The following TRIOBP variants were observed in gnomAD, a reference collection of about 807,000 sequenced individuals.
The protein encoded by TRIOBP is TRIO and F-actin binding protein, also known as TRIO and F-actin-binding protein.
TRIOBP carries 169 observed loss-of-function variants against 238.8 expected under a neutral mutation model. That is an observed-to-expected ratio of 0.71 (90% CI 0.62 to 0.80). The LOEUF (loss-of-function observed/expected upper bound fraction) is 0.80. Ranked by LOEUF, TRIOBP falls within the 30% of genes least tolerant of loss-of-function variation. The pLI, the probability that TRIOBP is intolerant of heterozygous loss-of-function variation, is 0.00. For synonymous variants in TRIOBP, 1,150 were observed against 1,274.4 expected, an observed-to-expected ratio of 0.90 and a Z score of 2.08; for missense variants, 2,838 against 3,122.6, an observed-to-expected ratio of 0.91 and a Z score of 2.17.
At chr22:37,748,693 G>A (rs1318517249) in intron 11 of TRIOBP, among the ~76,000 whole-genome samples, 1 of 152,162 alleles carries the variant, frequency 6.6e-6, no homozygotes, top group Non-Finnish European at 1.5e-5. Flanking sequence ...AGCCTGTGAA[G>A]GATAAGTAAA....
intron 7 of TRIOBP, among the ~76,000 whole-genome samples, chr22:37,728,440 A>G (rs567944884): frequency 3.7e-4 from 57 of 152,186 alleles, no homozygotes; most frequent in Non-Finnish European, 3.2e-4. Context: ...ATCTCAAAAA[A>G]AGAAAAAAAA....
At chr22:37,722,692 A>G (rs1222850769) in intron 6 of TRIOBP, among the ~76,000 whole-genome samples, 1 of 152,200 alleles carries the variant, frequency 6.6e-6, no homozygotes, top group Non-Finnish European at 1.5e-5. Context: ...ACGCCACTGC[A>G]CTCCAGCCTG....
At chr22:37,759,441 GT>G in intron 17 of TRIOBP, 177 bp downstream of exon 17, 2 of 1,434,938 alleles carry the variant, frequency 1.4e-6, no homozygotes, top group South Asian at 2.3e-5. Flanking sequence ...CACTGTGCCC[GT>G]TTTACAGACA....
Position 37,710,353 on chromosome 22 carries a change from G to A in TRIOBP, c.115-74G>A, listed in dbSNP as rs115587759. 1.6e-3 allele frequency: 2,617 copies of A among 1,599,626 alleles called. 43 individuals carry two copies. In the African/African-American group the frequency reaches 0.028, roughly 17 times the overall value. ...GATGCCTGGAGACTCCCACGCCACCGGGAGGGGCTGTGCAGGGGGAGGGGA... is the reference window on the plus strand; with the variant it reads ...GATGCCTGGAGACTCCCACGCCACCAGGAGGGGCTGTGCAGGGGGAGGGGA... On this transcript the variant is annotated intron_variant, in intron 3 of 23. Coordinates refer to ENST00000644935, the MANE Select transcript of TRIOBP (RefSeq NM_001039141.3).
intron 3 of TRIOBP, among the ~76,000 whole-genome samples, chr22:37,707,657 A>C (rs1923012628): frequency 6.6e-6 from 1 of 151,750 alleles, no homozygotes; most frequent in Non-Finnish European, 1.5e-5. Flanking sequence ...AAAAAAAAAA[A>C]TTGGCTGGGA....
At chr22:37,756,214 G>A (rs191210163) in intron 15 of TRIOBP, among the ~76,000 whole-genome samples, 3 of 152,140 alleles carry the variant, frequency 2.0e-5, no homozygotes, top group East Asian at 1.9e-4. Flanking sequence ...TAATCCCAGC[G>A]ATTTGGGAGG....
rs2145832212 is a variant in TRIOBP at position 37,723,468 on chromosome 22, C to T, written c.912C>T (p.Ser304=). 1.2e-6 allele frequency: 2 copies of T among 1,612,882 alleles called. No homozygotes were observed. The highest frequency in any genetic ancestry group is 8.5e-7 in the Non-Finnish European group (1 of 1,179,636). ...STQQEISRAS[S]TQQETSRASS... is the part of the protein sequence containing the mutation. Reference sequence around the variant, plus strand: ...AACAGGAAATCTCCAGGGCCTCATCCACCCAACAGGAAACCTCCAGGGCCT... The same window carrying T: ...AACAGGAAATCTCCAGGGCCTCATCTACCCAACAGGAAACCTCCAGGGCCT... Residue 304 remains serine, a synonymous_variant, in exon 7 of 24, where the codon TCC becomes TCT. Coordinates refer to ENST00000644935, the MANE Select transcript of TRIOBP (RefSeq NM_001039141.3).
chr22:37,741,192 C>G (rs545984943), intron 11 of TRIOBP, among the ~76,000 whole-genome samples, 160 bp downstream of exon 11: 1 of 152,186 alleles, frequency 6.6e-6, no homozygotes, highest in Non-Finnish European at 1.5e-5. Context: ...CTCTTAAGCT[C>G]ATCCTGGTCT....
chr22:37,753,788 C>T (rs1230133960), intron 12 of TRIOBP, among the ~76,000 whole-genome samples: 1 of 152,220 alleles, frequency 6.6e-6, no homozygotes, highest in Non-Finnish European at 1.5e-5. Flanking sequence ...AAACTAAGTA[C>T]TTGAAACAAC....
intron 10 of TRIOBP, 73 bp from the exon 11 acceptor site, chr22:37,740,822 G>A (rs1056926119): frequency 6.5e-7 from 1 of 1,548,052 alleles, no homozygotes; most frequent in Non-Finnish European, 8.7e-7. Context: ...AGAATGGGCA[G>A]GGGAGGCTGT....
chr22:37,773,937 CAGACACACAG>C lies in TRIOBP; in HGVS notation c.*159_*168del, dbSNP rs1182969703. 2 of 108,184 alleles carry C rather than the reference CAGACACACAG, an allele frequency of 1.8e-5. No individual in the cohort carries two copies. Among genetic ancestry groups the C allele is most frequent in the African/African-American group, 1.3e-4 (2 of 15,226 alleles). The allele number at this position is 108,184 out of a possible 1,614,324, so 6.7% of individuals were successfully genotyped here. On this transcript the variant is annotated 3_prime_UTR_variant, in exon 24 of 24. Coordinates refer to ENST00000644935, the MANE Select transcript of TRIOBP (RefSeq NM_001039141.3). Reference sequence around the variant, plus strand: ...ACACACACACACACACACACACACACAGACACACAGACACATACGCACACACGTGCACACA... The same window carrying C: ...ACACACACACACACACACACACACACACACATACGCACACACGTGCACACA...
At position 37,775,003 on chromosome 22, in the gene TRIOBP, A is replaced by G. The variant is rs1335585034; in HGVS notation, c.*1223A>G. On this transcript the variant is annotated 3_prime_UTR_variant, in exon 24 of 24. Coordinates refer to ENST00000644935, the MANE Select transcript of TRIOBP (RefSeq NM_001039141.3). ...CCAGAGGTCATGCCCAGCCCTGGGC[A>G]GGGGTGAGGGCAGGGTTGTGGCTGC... is the stretch of plus-strand genomic sequence containing the variant. 2.6e-5 allele frequency: 4 copies of G among 152,332 alleles called. No individual in the cohort carries two copies. The East Asian group carries it at 7.7e-4, about 29-fold the overall frequency. The allele number at this position is 152,332 out of a possible 1,614,324, so 9.4% of individuals were successfully genotyped here. A position where few individuals can be genotyped will look rare whatever the true frequency, so the allele number is the denominator to read the frequency against.
At position 37,724,732 on chromosome 22, in the gene TRIOBP, C is replaced by T. The variant is rs375857763; in HGVS notation, c.2176C>T (p.Arg726Ter). Residue 726 changes from arginine to a stop codon, truncating the protein, a stop_gained, in exon 7 of 24, where the codon CGA becomes TGA. Coordinates refer to ENST00000644935, the MANE Select transcript of TRIOBP (RefSeq NM_001039141.3). LOFTEE classifies it high-confidence loss of function. Reference sequence around the variant, plus strand: ...AGAGAACCCCAGAACATCCTGTGCCCGACGGGACAATCCCAGAGCCTCCTC... The same window carrying T: ...AGAGAACCCCAGAACATCCTGTGCCTGACGGGACAATCCCAGAGCCTCCTC... ...QQENPRTSCA[R>*]RDNPRASSRN... 1.1e-5 allele frequency: 18 copies of T among 1,611,462 alleles called. No individual in the cohort carries two copies. Among genetic ancestry groups the T allele is most frequent in the Middle Eastern group, 1.6e-4 (1 of 6,064 alleles).
intron 21 of TRIOBP, among the ~76,000 whole-genome samples, chr22:37,770,422 C>A (rs1926715778): frequency 7.0e-6 from 1 of 142,244 alleles, no homozygotes; most frequent in Non-Finnish European, 1.5e-5. Flanking sequence ...TGCACTCCAG[C>A]CTGGGTGACA....
At chr22:37,757,589 G>C in intron 15 of TRIOBP, 24 bp from the exon 16 acceptor site, 1 of 1,562,436 alleles carries the variant, frequency 6.4e-7, no homozygotes, top group Non-Finnish European at 8.6e-7. Flanking sequence ...GGACCCACCT[G>C]ACGTGGCTCT....
At chr22:37,719,973 T>G (rs1555895411) in intron 6 of TRIOBP, among the ~76,000 whole-genome samples, 1 of 130,242 alleles carries the variant, frequency 7.7e-6, no homozygotes, top group Non-Finnish European at 1.6e-5. Context: ...CACACTGCAC[T>G]CACTGTTTCA....
At chr22:37,744,189 T>C (rs1218738706) in intron 11 of TRIOBP, among the ~76,000 whole-genome samples, 2 of 151,902 alleles carry the variant, frequency 1.3e-5, no homozygotes, top group African/African-American at 4.8e-5. Context: ...TTTGTATTTT[T>C]ACCAGAGACG....
At chr22:37,708,115 G>A (rs932021727) in intron 3 of TRIOBP, among the ~76,000 whole-genome samples, 4 of 151,216 alleles carry the variant, frequency 2.6e-5, no homozygotes, top group East Asian at 1.9e-4. Context: ...GCATGGTGGC[G>A]GGCGTCCATA....
At chr22:37,758,990 C>T (rs1397422240) in intron 16 of TRIOBP, among the ~76,000 whole-genome samples, 164 bp from the exon 17 acceptor site, 1 of 152,234 alleles carries the variant, frequency 6.6e-6, no homozygotes, top group Non-Finnish European at 1.5e-5. Flanking sequence ...GGCTACATCT[C>T]ACTCCAGGGC....
Sources: allele counts gnomAD v4.1 joint callset (sites outside exome capture counted in the v4.1 genomes callset), GRCh38; gene constraint gnomAD v4.1.1; transcripts MANE v1.5; gene names NCBI Gene and HGNC (gene_info 2026-07-23, HGNC 2026-07-21).